RPTOR: variants seen among roughly 807,000 people sequenced by gnomAD.
RPTOR encodes the protein regulatory-associated protein of mTOR.
In RPTOR, 21 loss-of-function variants were observed where a neutral mutation model predicts 169.9. That is an observed-to-expected ratio of 0.12 (90% CI 0.09 to 0.18). RPTOR has a LOEUF of 0.18. RPTOR is among the 10% of genes least tolerant of loss of function. RPTOR has a pLI of 1.00. For synonymous variants in RPTOR, 732 were observed against 753.2 expected (o/e 0.97, Z 0.46); for missense variants, 1,133 against 1,855.9 (o/e 0.61, Z 7.16).
intron 7 of RPTOR, among the ~76,000 whole-genome samples, chr17:80,807,814 A>G (rs2067234743): frequency 6.6e-6 from 1 of 152,298 alleles, no homozygotes; most frequent in East Asian, 1.9e-4. Context: ...GCCAGATAGT[A>G]TATGCCTTAG....
chr17:80,778,417 C>T (rs2066910604), intron 6 of RPTOR, among the ~76,000 whole-genome samples: 1 of 152,224 alleles, frequency 6.6e-6, no homozygotes, highest in African/African-American at 2.4e-5. Context: ...TTTCCCATCT[C>T]ATTTGAAAGC....
intron 3 of RPTOR, among the ~76,000 whole-genome samples, chr17:80,654,176 T>A (rs35675302): frequency 1.3e-5 from 2 of 151,266 alleles, no homozygotes; most frequent in Admixed American, 1.3e-4. Flanking sequence ...GGCCAGGGGG[T>A]CGCACCCTCA....
intron 1 of RPTOR, among the ~76,000 whole-genome samples, chr17:80,596,833 G>A (rs976863338): frequency 1.2e-4 from 18 of 152,188 alleles, no homozygotes; most frequent in Admixed American, 9.8e-4. Flanking sequence ...CCACAGGGTT[G>A]TCACATATTT....
chr17:80,891,957 C>G, intron 18 of RPTOR, 120 bp downstream of exon 18: 1 of 591,546 alleles, frequency 1.7e-6, no homozygotes, highest in Non-Finnish European at 3.0e-6. Context: ...ATACCTGCCG[C>G]AAGGGGTCCC....
At chr17:80,961,950 T>C (rs2069348410) in intron 31 of RPTOR, among the ~76,000 whole-genome samples, 1 of 152,226 alleles carries the variant, frequency 6.6e-6, no homozygotes, top group Non-Finnish European at 1.5e-5. Context: ...TTCAAAGAGA[T>C]GCTCTTTTCC....
intron 1 of RPTOR, among the ~76,000 whole-genome samples, chr17:80,558,367 C>A (rs781237340): frequency 6.6e-5 from 10 of 152,134 alleles, no homozygotes; most frequent in Non-Finnish European, 1.0e-4. Context: ...AATTGTCATG[C>A]CTTCAGAGGC....
chr17:80,761,892 T>C (rs1243789832), intron 6 of RPTOR, among the ~76,000 whole-genome samples: 1 of 152,174 alleles, frequency 6.6e-6, no homozygotes, highest in Non-Finnish European at 1.5e-5. Context: ...AATAAAATGC[T>C]CTTTTGTAGT....
chr17:80,714,982 C>G (rs1445570344), intron 4 of RPTOR, among the ~76,000 whole-genome samples: 1 of 152,198 alleles, frequency 6.6e-6, no homozygotes, highest in African/African-American at 2.4e-5. Context: ...CTTGGCCTCC[C>G]AAAGTGCTGG....
chr17:80,782,864 G>A (rs1402672986), intron 6 of RPTOR, among the ~76,000 whole-genome samples: 1 of 152,182 alleles, frequency 6.6e-6, no homozygotes, highest in Non-Finnish European at 1.5e-5. Context: ...TAGTTTCTTA[G>A]GTAAAAACAC....
intron 1 of RPTOR, among the ~76,000 whole-genome samples, chr17:80,596,183 G>T (rs1294272952): frequency 1.3e-4 from 13 of 102,062 alleles, no homozygotes; most frequent in African/African-American, 3.6e-4. Context: ...AAGAAAATTG[G>T]TTTTTTGCTG....
In RPTOR at chr17:80,839,897, C is replaced by A. The variant is rs952535852; in HGVS notation, c.1212+1900C>A. On this transcript the variant is annotated intron_variant, in intron 10 of 33. Coordinates refer to ENST00000306801, the MANE Select transcript of RPTOR (RefSeq NM_020761.3). ...CAAGTTTCTTTTCAAGGATTTTACTCTATCTATGCTAAACAACTAGAATCA... is the reference window on the plus strand; with the variant it reads ...CAAGTTTCTTTTCAAGGATTTTACTATATCTATGCTAAACAACTAGAATCA... 5.2e-4 allele frequency among the ~76,000 whole-genome samples: 79 copies of A among 152,292 alleles called. 2 individuals are homozygous for A.
At chr17:80,728,038 G>A (rs2066355254) in intron 4 of RPTOR, among the ~76,000 whole-genome samples, 1 of 152,188 alleles carries the variant, frequency 6.6e-6, no homozygotes, top group South Asian at 2.1e-4. Flanking sequence ...TGGATGGATG[G>A]ATGAATGGAT....
intron 10 of RPTOR, among the ~76,000 whole-genome samples, chr17:80,840,283 C>G (rs139260853): frequency 3.3e-5 from 5 of 151,978 alleles, no homozygotes; most frequent in African/African-American, 1.2e-4. Context: ...TAAGCTCACT[C>G]TCTCTGCACC....
intron 3 of RPTOR, among the ~76,000 whole-genome samples, chr17:80,645,028 A>G (rs1043913135): frequency 3.3e-5 from 5 of 152,200 alleles, no homozygotes; most frequent in Admixed American, 2.6e-4. Flanking sequence ...TTGTGTACAC[A>G]TGCTGTAGCC....
intron 3 of RPTOR, among the ~76,000 whole-genome samples, chr17:80,701,476 G>A (rs1302589617): frequency 2.6e-5 from 4 of 152,264 alleles, no homozygotes; most frequent in South Asian, 2.1e-4. Flanking sequence ...GGGAAATGCC[G>A]GGCAGGGAAG....
chr17:80,844,149 CGA>C lies in RPTOR; in HGVS notation c.1213-2321_1213-2320del, dbSNP rs2067700870. ...CATGGGTGGAGACACGGGCCGCTCT[CGA>C]GATGTTTTCCGGAATATCATATAAA... On this transcript the variant is annotated intron_variant, in intron 10 of 33. Coordinates refer to ENST00000306801, the MANE Select transcript of RPTOR (RefSeq NM_020761.3). This position sits in a 1 kb window ranked among gnomAD's most constrained non-coding sequence, Gnocchi z 4.7. Among the ~76,000 whole-genome samples, 1 of 152,180 alleles carries C rather than the reference CGA, an allele frequency of 6.6e-6. No homozygotes were observed.
intron 1 of RPTOR, among the ~76,000 whole-genome samples, chr17:80,548,892 T>C (rs545662971): frequency 6.6e-6 from 1 of 152,258 alleles, no homozygotes; most frequent in Admixed American, 6.5e-5. Context: ...ATTTTGCTTC[T>C]TCTTGTGGTT....
rs2069202220 is a variant in RPTOR, at chr17:80,953,000, G to A, written c.3370+3453G>A. On this transcript the variant is annotated intron_variant, in intron 28 of 33. Coordinates refer to ENST00000306801, the MANE Select transcript of RPTOR (RefSeq NM_020761.3). ...CTGCCTCAGCCTCCCAAGTAGCTGGGACTAGAGGGTCGCACCACCACGCCT... is the reference window on the plus strand; with the variant it reads ...CTGCCTCAGCCTCCCAAGTAGCTGGAACTAGAGGGTCGCACCACCACGCCT... Among the ~76,000 whole-genome samples the A allele has an allele frequency of 2.0e-5, 3 of 151,800 alleles. No homozygotes were observed. In the South Asian group the frequency reaches 6.2e-4, roughly 32 times the overall value.
intron 1 of RPTOR, among the ~76,000 whole-genome samples, chr17:80,611,335 C>T (rs1339024800): frequency 3.9e-5 from 6 of 152,128 alleles, no homozygotes; most frequent in Non-Finnish European, 1.5e-5. Context: ...GATCTTTGCT[C>T]ACCGAAACCT....
Sources: gnomAD v4.1 joint callset for allele counts (sites outside exome capture counted in the v4.1 genomes callset) on GRCh38, gnomAD v4.1.1 for gene constraint, Gnocchi (gnomAD v3.1) non-coding constraint, MANE v1.5 for transcripts, NCBI Gene and HGNC (gene_info 2026-07-23, HGNC 2026-07-21) for gene names.